The following FHIP1A variants were observed in gnomAD, a reference collection of about 807,000 sequenced individuals.
The protein encoded by FHIP1A is FHF complex subunit HOOK interacting protein 1A, also known as FHF complex subunit HOOK-interacting protein 1A.
A neutral mutation model predicts 88.6 loss-of-function variants in FHIP1A; 61 were observed. The observed-to-expected ratio is 0.69, with a 90% confidence interval of 0.56 to 0.85. FHIP1A has a LOEUF of 0.85. Ranked by LOEUF, FHIP1A falls within the 40% of genes least tolerant of loss-of-function variation. FHIP1A has a pLI of 0.00. For synonymous variants in FHIP1A, 478 were observed against 496.0 expected, an observed-to-expected ratio of 0.96 and a Z score of 0.48; for missense variants, 1,154 against 1,273.5, an observed-to-expected ratio of 0.91 and a Z score of 1.43.
At chr4:151,531,738 G>A (rs1731885140) in intron 3 of FHIP1A, among the ~76,000 whole-genome samples, 1 of 152,172 alleles carries the variant, frequency 6.6e-6, no homozygotes, top group African/African-American at 2.4e-5. Flanking sequence ...GTTCACTGTT[G>A]TCTTCCTTGT....
intron 3 of FHIP1A, among the ~76,000 whole-genome samples, chr4:151,519,896 C>T (rs1182116621): frequency 3.3e-5 from 5 of 152,068 alleles, no homozygotes; most frequent in African/African-American, 1.2e-4. Flanking sequence ...AGTGGCCATT[C>T]GTATATCCTC....
At chr4:151,640,862 G>C (rs1285633366) in intron 9 of FHIP1A, among the ~76,000 whole-genome samples, 1 of 152,160 alleles carries the variant, frequency 6.6e-6, no homozygotes, top group Non-Finnish European at 1.5e-5. Flanking sequence ...TTACAAAAGT[G>C]TCCGCAGAGA....
At chr4:151,472,670 C>G (rs1328748105) in intron 2 of FHIP1A, among the ~76,000 whole-genome samples, 1 of 141,008 alleles carries the variant, frequency 7.1e-6, no homozygotes, top group African/African-American at 2.6e-5. Context: ...TTAATGTTTA[C>G]TCTGTCAGGG....
At chr4:151,572,870 G>A (rs1733647996) in intron 4 of FHIP1A, among the ~76,000 whole-genome samples, 1 of 152,154 alleles carries the variant, frequency 6.6e-6, no homozygotes, top group South Asian at 2.1e-4. Flanking sequence ...AGAAACACTT[G>A]TGTTTATCCT....
At chr4:151,559,350 T>C (rs1733080598) in intron 3 of FHIP1A, among the ~76,000 whole-genome samples, 1 of 152,222 alleles carries the variant, frequency 6.6e-6, no homozygotes, top group Non-Finnish European at 1.5e-5. Context: ...ATAAATATGG[T>C]ACAAAGTTCA....
intron 1 of FHIP1A, among the ~76,000 whole-genome samples, chr4:151,451,702 A>G (rs1026912288): frequency 6.6e-6 from 1 of 152,218 alleles, no homozygotes; most frequent in East Asian, 1.9e-4. Context: ...ACATGAATTT[A>G]AAGCTCTATT....
At chr4:151,444,516 G>C (rs2126566782) in intron 1 of FHIP1A, among the ~76,000 whole-genome samples, 1 of 151,896 alleles carries the variant, frequency 6.6e-6, no homozygotes, top group African/African-American at 2.4e-5. Flanking sequence ...TATCCCTTTT[G>C]TCCCCCACCC....
At chr4:151,575,476 G>A (rs1425671529) in intron 4 of FHIP1A, among the ~76,000 whole-genome samples, 1 of 152,150 alleles carries the variant, frequency 6.6e-6, no homozygotes, top group Non-Finnish European at 1.5e-5. Flanking sequence ...CTTGGTGGAG[G>A]TTGTAGGATA....
intron 2 of FHIP1A, among the ~76,000 whole-genome samples, chr4:151,468,401 T>C (rs936116353): frequency 6.6e-5 from 10 of 152,110 alleles, no homozygotes; most frequent in African/African-American, 2.4e-4. Context: ...GGTGATTCTG[T>C]TGCATGTTAC....
intron 3 of FHIP1A, among the ~76,000 whole-genome samples, chr4:151,548,101 C>T (rs545827629): frequency 6.6e-6 from 1 of 152,086 alleles, no homozygotes; most frequent in South Asian, 2.1e-4. Flanking sequence ...ATAACTTGTG[C>T]TTGAATCTGG....
At chr4:151,654,071 G>GT (rs1737138003) in intron 11 of FHIP1A, among the ~76,000 whole-genome samples, 2 of 149,008 alleles carry the variant, frequency 1.3e-5, no homozygotes, top group African/African-American at 5.1e-5. Context: ...TGTTAAGCAG[G>GT]GTTTTTTTTT....
chr4:151,409,616 G>A (rs1262877458), intron 1 of FHIP1A, among the ~76,000 whole-genome samples, 151 bp downstream of exon 1: 2 of 152,212 alleles, frequency 1.3e-5, no homozygotes, highest in South Asian at 4.2e-4. Context: ...GCATTGGGCT[G>A]GGGGCCGGCT....
At chr4:151,585,463 G>A (rs185209566) in intron 5 of FHIP1A, among the ~76,000 whole-genome samples, 1 of 152,280 alleles carries the variant, frequency 6.6e-6, no homozygotes, top group African/African-American at 2.4e-5. Flanking sequence ...ACAGGCATGA[G>A]CCACCACCCC....
intron 3 of FHIP1A, among the ~76,000 whole-genome samples, chr4:151,513,450 CTA>C (rs1411918645): frequency 6.6e-6 from 1 of 152,122 alleles, no homozygotes; most frequent in East Asian, 1.9e-4. Flanking sequence ...TCACATATAA[CTA>C]TATTAACTTT....
At chr4:151,511,796 G>C (rs1408480042) in intron 3 of FHIP1A, among the ~76,000 whole-genome samples, 1 of 152,246 alleles carries the variant, frequency 6.6e-6, no homozygotes, top group African/African-American at 2.4e-5. Context: ...CTTGAACTGG[G>C]TGGAGCCCAC....
At chr4:151,433,992 G>GT (rs1733702149) in intron 1 of FHIP1A, among the ~76,000 whole-genome samples, 1 of 152,138 alleles carries the variant, frequency 6.6e-6, no homozygotes, top group Non-Finnish European at 1.5e-5. Flanking sequence ...CTTTTTCATA[G>GT]TAAGTGATAG....
At chr4:151,540,859 A>G (rs926234883) in intron 3 of FHIP1A, among the ~76,000 whole-genome samples, 4 of 152,160 alleles carry the variant, frequency 2.6e-5, no homozygotes, top group Non-Finnish European at 2.9e-5. Flanking sequence ...TCCTGGTCCA[A>G]TGTTCCCCCG....
rs190918031 is a variant in FHIP1A, at chr4:151,599,143, T to C, written c.978+10217T>C. On this transcript the variant is annotated intron_variant, in intron 7 of 13. Coordinates refer to ENST00000435205, the MANE Select transcript of FHIP1A (RefSeq NM_001109977.3). Reference sequence around the variant, plus strand: ...TTAATTTAAGGTCAAAATCATACTTTGTAAAAGTCATATTAAATAAAATGA... The same window carrying C: ...TTAATTTAAGGTCAAAATCATACTTCGTAAAAGTCATATTAAATAAAATGA... 1.8e-3 allele frequency among the ~76,000 whole-genome samples: 276 copies of C among 152,308 alleles called. 3 individuals are homozygous for C. Among genetic ancestry groups the C allele is most frequent in the Non-Finnish European group, 2.9e-3 (195 of 68,028 alleles).
At position 151,577,365 on chromosome 4, in the gene FHIP1A, T is replaced by C. The variant is rs1182176839; in HGVS notation, c.106-85T>C. The C allele has an allele frequency of 3.7e-6, 5 of 1,346,698 alleles. No individual in the cohort carries two copies. In the Admixed American group the frequency reaches 1.4e-4, roughly 37 times the overall value. The allele number at this position is 1,346,698 out of a possible 1,614,324, so 83.4% of individuals were successfully genotyped here. On this transcript the variant is annotated intron_variant, in intron 4 of 13. Coordinates refer to ENST00000435205, the MANE Select transcript of FHIP1A (RefSeq NM_001109977.3). ...TGGGCAGTGGCTCCTGCATTTTTGGTGACAATTTGGTAAAATCAGTGGTGA... is the reference window on the plus strand; with the variant it reads ...TGGGCAGTGGCTCCTGCATTTTTGGCGACAATTTGGTAAAATCAGTGGTGA...
Sources: allele counts gnomAD v4.1 joint callset (sites outside exome capture counted in the v4.1 genomes callset), GRCh38; gene constraint gnomAD v4.1.1; transcripts MANE v1.5; gene names NCBI Gene and HGNC (gene_info 2026-07-23, HGNC 2026-07-21).